ITPR2: variants seen among roughly 807,000 people sequenced by gnomAD.
The protein encoded by ITPR2 is inositol 1,4,5-trisphosphate-gated calcium channel ITPR2.
ITPR2 carries 207 observed loss-of-function variants against 317.1 expected under a neutral mutation model. The observed-to-expected ratio is 0.65, with a 90% CI of 0.58 to 0.73. ITPR2 has a LOEUF of 0.73. Among genes scored for constraint, ITPR2 ranks in the 30% least tolerant of loss-of-function variants. The pLI is 0.00. For missense variants in ITPR2, 2,613 were observed against 3,284.0 expected (o/e 0.80, Z 4.99); for synonymous variants, 1,156 against 1,149.1 (o/e 1.01, Z -0.12).
intron 32 of ITPR2, among the ~76,000 whole-genome samples, chr12:26,589,153 T>G (rs1295139941): frequency 6.6e-6 from 1 of 152,170 alleles, no homozygotes; most frequent in Non-Finnish European, 1.5e-5. Flanking sequence ...ATGGGTCTAA[T>G]AGCATCGCTG....
intron 21 of ITPR2, among the ~76,000 whole-genome samples, chr12:26,639,833 G>C (rs1946944792): frequency 6.6e-6 from 1 of 151,952 alleles, no homozygotes; most frequent in Non-Finnish European, 1.5e-5. Flanking sequence ...GTATTCCATG[G>C]TGTATATGTG....
At chr12:26,800,547 G>A (rs1950539038) in intron 1 of ITPR2, among the ~76,000 whole-genome samples, 1 of 152,154 alleles carries the variant, frequency 6.6e-6, no homozygotes, top group Non-Finnish European at 1.5e-5. Context: ...GGGATTTCTT[G>A]AGCCCAGGAG....
Position 26,832,828 on chromosome 12 carries a change from T to C in ITPR2, c.-47A>G. 1 of 1,435,444 alleles carries C rather than the reference T, an allele frequency of 7.0e-7. No homozygotes were observed. The highest frequency in any genetic ancestry group is 9.7e-7 in the Non-Finnish European group (1 of 1,028,164). The allele number at this position is 1,435,444 out of a possible 1,614,324, so 88.9% of individuals were successfully genotyped here. A position where few individuals can be genotyped will look rare whatever the true frequency, so the allele number is the denominator to read the frequency against. ...GACGTCCCTCTTCTTCCCTGCGCCC[T>C]CGCCGCCCTCTCTCCAGGGAGCCGC... On this transcript the variant is annotated 5_prime_UTR_variant, in exon 1 of 57. Transcript: ENST00000381340.
chr12:26,819,098 G>C (rs989254767), intron 1 of ITPR2, among the ~76,000 whole-genome samples: 1 of 152,154 alleles, frequency 6.6e-6, no homozygotes, highest in African/African-American at 2.4e-5. Context: ...TAGGATGTTA[G>C]AACCAGAAGA....
At chr12:26,496,680 A>G (rs1274055325) in intron 37 of ITPR2, among the ~76,000 whole-genome samples, 1 of 152,140 alleles carries the variant, frequency 6.6e-6, no homozygotes, top group Non-Finnish European at 1.5e-5. Context: ...GATCACACCC[A>G]TTCTCATAAT....
intron 55 of ITPR2, among the ~76,000 whole-genome samples, chr12:26,374,650 T>C (rs948669509): frequency 2.0e-5 from 3 of 152,204 alleles, no homozygotes; most frequent in Admixed American, 1.3e-4. Context: ...TGTTAGGTGC[T>C]AGGATAGATG....
rs545323029 is a variant in ITPR2, at chr12:26,707,556, G to C, written c.951+3617C>G. On this transcript the variant is annotated intron_variant, in intron 9 of 56. Coordinates refer to ENST00000381340, the MANE Select transcript of ITPR2 (RefSeq NM_002223.4). ...TTATTTTATTTTATTTTTTGAGACAGAGTCTTGTTCTTTTGCCCACGCTGA... is the reference window on the plus strand; with the variant it reads ...TTATTTTATTTTATTTTTTGAGACACAGTCTTGTTCTTTTGCCCACGCTGA... 4.9e-4 allele frequency among the ~76,000 whole-genome samples: 75 copies of C among 152,148 alleles called. 1 individual carries two copies. The highest frequency in any genetic ancestry group is 9.9e-4 in the Non-Finnish European group (67 of 68,014).
At chr12:26,465,422 G>C (rs554666212) in intron 45 of ITPR2, among the ~76,000 whole-genome samples, 125 of 152,168 alleles carry the variant, frequency 8.2e-4, no homozygotes, top group Non-Finnish European at 1.5e-3. Flanking sequence ...AGAATAGAAA[G>C]AGAGGAATTG....
At chr12:26,809,886 T>C (rs1950704737) in intron 1 of ITPR2, among the ~76,000 whole-genome samples, 1 of 152,218 alleles carries the variant, frequency 6.6e-6, no homozygotes, top group African/African-American at 2.4e-5. Flanking sequence ...CTTTTTTCAG[T>C]TTTCTTAGCT....
chr12:26,579,654 T>C (rs995894223), intron 33 of ITPR2, among the ~76,000 whole-genome samples: 2 of 152,150 alleles, frequency 1.3e-5, no homozygotes, highest in Non-Finnish European at 2.9e-5. Context: ...ATTACAAATA[T>C]TTGAATTAGA....
At chr12:26,746,077 T>C (rs992669285) in intron 2 of ITPR2, among the ~76,000 whole-genome samples, 14 of 152,020 alleles carry the variant, frequency 9.2e-5, no homozygotes, top group Non-Finnish European at 1.8e-4. Context: ...GACTACACAT[T>C]AAATTTCTTC....
At chr12:26,587,418 G>A (rs1442740512) in intron 32 of ITPR2, among the ~76,000 whole-genome samples, 2 of 152,120 alleles carry the variant, frequency 1.3e-5, no homozygotes, top group Non-Finnish European at 2.9e-5. Context: ...CTGAAGGAGT[G>A]ACTTTGAAGG....
At chr12:26,696,306 G>A (rs117999752) in intron 9 of ITPR2, among the ~76,000 whole-genome samples, 2,021 of 152,226 alleles carry the variant, frequency 0.013, 24 homozygotes, top group Middle Eastern at 0.034. Flanking sequence ...ATTCTTAGTT[G>A]TTCTGAAATA....
chr12:26,664,310 A>C (rs1947569466), intron 14 of ITPR2, among the ~76,000 whole-genome samples: 1 of 142,606 alleles, frequency 7.0e-6, no homozygotes, highest in Non-Finnish European at 1.5e-5. Flanking sequence ...ATTGCTTCTA[A>C]ACTGCTTTAT....
chr12:26,763,896 T>C (rs1949677460), intron 2 of ITPR2, among the ~76,000 whole-genome samples: 1 of 152,142 alleles, frequency 6.6e-6, no homozygotes, highest in African/African-American at 2.4e-5. Context: ...CCATCTTCCC[T>C]ACCCTCCTCC....
At chr12:26,739,504 A>G (rs555690599) in intron 2 of ITPR2, among the ~76,000 whole-genome samples, 1 of 152,362 alleles carries the variant, frequency 6.6e-6, no homozygotes, top group East Asian at 1.9e-4. Flanking sequence ...GATCCTGAAC[A>G]TGGATGAATC....
At chr12:26,784,367 A>G (rs551612950) in intron 2 of ITPR2, among the ~76,000 whole-genome samples, 13,820 of 67,918 alleles carry the variant, frequency 0.2, 3,978 homozygotes, top group Non-Finnish European at 0.35. Context: ...CTCTCCCTCC[A>G]CGGTCTCCTT....
intron 45 of ITPR2, among the ~76,000 whole-genome samples, chr12:26,451,766 A>T (rs1000772025): frequency 2.0e-5 from 3 of 152,200 alleles, no homozygotes; most frequent in Non-Finnish European, 2.9e-5. Flanking sequence ...TATAATAAAC[A>T]AATGATTCAT....
intron 1 of ITPR2, among the ~76,000 whole-genome samples, chr12:26,806,008 G>C (rs544671514): frequency 1.3e-5 from 2 of 152,260 alleles, no homozygotes; most frequent in East Asian, 1.9e-4. Context: ...GTGGGGAAGA[G>C]AGAGACAGAA....
Sources: allele counts gnomAD v4.1 joint callset (sites outside exome capture counted in the v4.1 genomes callset), GRCh38; gene constraint gnomAD v4.1.1; transcripts MANE v1.5; gene names NCBI Gene and HGNC (gene_info 2026-07-23, HGNC 2026-07-21).